Variants in SYT1 observed in about 807,000 individuals in gnomAD.
SYT1 encodes the protein synaptotagmin-1.
Under a neutral mutation model 44.8 loss-of-function variants are expected in SYT1, and 8 were observed. That is an observed-to-expected ratio of 0.18 (90% CI 0.10 to 0.32). The LOEUF (loss-of-function observed/expected upper bound fraction) is 0.32. Among genes scored for constraint, SYT1 ranks in the 10% least tolerant of loss-of-function variants. The probability of loss-of-function intolerance (pLI) is 1.00; values close to 1 mark genes in which losing one functional copy is unlikely to be tolerated. For synonymous variants in SYT1, 154 were observed against 188.8 expected (o/e 0.82, Z 1.51); for missense variants, 286 against 509.3 (o/e 0.56, Z 4.22).
intron 9 of SYT1, among the ~76,000 whole-genome samples, chr12:79,358,844 T>A (rs1461342561): frequency 6.6e-6 from 1 of 152,132 alleles, no homozygotes; most frequent in Non-Finnish European, 1.5e-5. Context: ...AATGGAGGGA[T>A]TCTTGGAGAC....
At chr12:79,012,614 C>A (rs1002883026) in intron 2 of SYT1, among the ~76,000 whole-genome samples, 24 of 152,088 alleles carry the variant, frequency 1.6e-4, no homozygotes, top group African/African-American at 5.6e-4. Flanking sequence ...GGTCACGTCA[C>A]CATTATATAG....
chr12:79,176,899 C>G (rs1370795930), intron 3 of SYT1, among the ~76,000 whole-genome samples: 1 of 151,938 alleles, frequency 6.6e-6, no homozygotes, highest in Non-Finnish European at 1.5e-5. Context: ...AAAATACTTT[C>G]CTGTATAACC....
intron 9 of SYT1, among the ~76,000 whole-genome samples, chr12:79,364,101 T>C (rs1286655697): frequency 1.3e-5 from 2 of 152,174 alleles, no homozygotes; most frequent in African/African-American, 2.4e-5. Context: ...TGGCATCATA[T>C]AGTAGTAATC....
intron 3 of SYT1, among the ~76,000 whole-genome samples, chr12:79,114,621 C>G (rs189174330): frequency 2.8e-4 from 43 of 152,278 alleles, no homozygotes; most frequent in Admixed American, 1.5e-3. Context: ...GTCTTGATTG[C>G]AATCATATCT....
intron 9 of SYT1, among the ~76,000 whole-genome samples, chr12:79,435,117 G>T (rs938777171): frequency 7.9e-5 from 12 of 152,146 alleles, no homozygotes; most frequent in African/African-American, 2.9e-4. Flanking sequence ...CTTTTCCCTT[G>T]GGTGGTATAG....
intron 3 of SYT1, among the ~76,000 whole-genome samples, chr12:79,183,747 T>C (rs1872664730): frequency 6.6e-6 from 1 of 152,078 alleles, no homozygotes; most frequent in Non-Finnish European, 1.5e-5. Context: ...GATATGTACC[T>C]TCTATTTGTT....
At chr12:79,033,506 A>G (rs17046270) in intron 2 of SYT1, among the ~76,000 whole-genome samples, 4,299 of 151,486 alleles carry the variant, frequency 0.028, 193 homozygotes, top group African/African-American at 0.098. Context: ...TTAAAGAATA[A>G]TTTGATCAGA....
At chr12:79,163,955 T>A (rs190895206) in intron 3 of SYT1, among the ~76,000 whole-genome samples, 109 of 152,208 alleles carry the variant, frequency 7.2e-4, no homozygotes, top group Admixed American at 1.6e-3. Context: ...TGGTAGGATA[T>A]TGAATGAGAA....
At chr12:78,934,526 G>C (rs547670513) in intron 1 of SYT1, among the ~76,000 whole-genome samples, 1 of 152,020 alleles carries the variant, frequency 6.6e-6, no homozygotes, top group South Asian at 2.1e-4. Flanking sequence ...AATAGAGCAA[G>C]ACTCTGTCTC....
intron 4 of SYT1, among the ~76,000 whole-genome samples, chr12:79,240,451 G>C (rs1876437313): frequency 6.6e-6 from 1 of 152,128 alleles, no homozygotes; most frequent in South Asian, 2.1e-4. Flanking sequence ...TTCCAGTGCA[G>C]ATTCTTTAGA....
intron 3 of SYT1, among the ~76,000 whole-genome samples, chr12:79,206,363 A>C (rs1040847205): frequency 1.2e-4 from 18 of 152,172 alleles, no homozygotes; most frequent in Admixed American, 1.2e-3. Flanking sequence ...CCAGATGCAG[A>C]TCCCTTCTTT....
rs76768263 is a variant in SYT1, at chr12:78,871,774, G to A, written c.-217+6665G>A. 1.9e-3 allele frequency among the ~76,000 whole-genome samples: 291 copies of A among 151,756 alleles called. 8 individuals carry two copies. In the East Asian group the frequency reaches 0.052, roughly 27 times the overall value. ...TGCCAGATCCTAGTTTACAAGGCTG[G>A]CTTTCTGCCTAATCCCTAGCATTTT... On this transcript the variant is annotated intron_variant, in intron 1 of 10. Coordinates refer to ENST00000261205, the MANE Select transcript of SYT1 (RefSeq NM_005639.3).
chr12:78,881,017 T>C (rs1352604077), intron 1 of SYT1, among the ~76,000 whole-genome samples: 1 of 151,646 alleles, frequency 6.6e-6, no homozygotes, highest in African/African-American at 2.4e-5. Context: ...CAGTCCTGCT[T>C]TCTTCCAACT....
chr12:79,079,201 G>A (rs1194104514), intron 3 of SYT1, among the ~76,000 whole-genome samples: 1 of 151,924 alleles, frequency 6.6e-6, no homozygotes, highest in African/African-American at 2.4e-5. Flanking sequence ...GTCACAAGTT[G>A]GCAAGAACAT....
intron 7 of SYT1, among the ~76,000 whole-genome samples, 154 bp from the exon 8 acceptor site, chr12:79,299,230 T>C (rs1880016520): frequency 1.3e-5 from 2 of 152,130 alleles, no homozygotes; most frequent in African/African-American, 4.8e-5. Flanking sequence ...CTCAAGCAGT[T>C]TGTCAAAAGT....
intron 1 of SYT1, among the ~76,000 whole-genome samples, chr12:78,901,494 A>G (rs1875662204): frequency 6.6e-6 from 1 of 152,126 alleles, no homozygotes; most frequent in Non-Finnish European, 1.5e-5. Context: ...ATCCTCTGTA[A>G]TTAACATTTC....
intron 4 of SYT1, among the ~76,000 whole-genome samples, chr12:79,234,688 T>TTTTC (rs201888619): frequency 6.0e-4 from 73 of 121,334 alleles, no homozygotes; most frequent in East Asian, 2.1e-3. Context: ...GTTTGGGGCT[T>TTTTC]TTTCTTTCTT....
intron 8 of SYT1, among the ~76,000 whole-genome samples, chr12:79,337,520 A>G (rs984844540): frequency 1.3e-5 from 2 of 152,332 alleles, no homozygotes; most frequent in South Asian, 2.1e-4. Flanking sequence ...AGAAGTAGCT[A>G]CAGAGTGACA....
chr12:79,043,342 A>G (rs894242210), intron 2 of SYT1, among the ~76,000 whole-genome samples: 3 of 151,236 alleles, frequency 2.0e-5, no homozygotes, highest in African/African-American at 7.3e-5. Flanking sequence ...TGGGATAGTT[A>G]GCTCTTCTTG....
Sources: allele counts gnomAD v4.1 joint callset (sites outside exome capture counted in the v4.1 genomes callset), GRCh38; gene constraint gnomAD v4.1.1; transcripts MANE v1.5; gene names NCBI Gene and HGNC (gene_info 2026-07-23, HGNC 2026-07-21).